Variants in MARCHF8 observed in about 807,000 individuals in gnomAD.
MARCHF8 encodes the protein E3 ubiquitin-protein ligase MARCHF8.
A neutral mutation model predicts 51.6 loss-of-function variants in MARCHF8; 40 were observed. The ratio of observed to expected loss-of-function variants is 0.77; its 90% CI spans 0.60 to 1.01. The LOEUF (loss-of-function observed/expected upper bound fraction) is 1.01. Ranked by LOEUF, MARCHF8 falls within the 50% of genes least tolerant of loss-of-function variation. The pLI is 0.00. For missense variants in MARCHF8, 685 were observed against 708.6 expected (o/e 0.97, Z 0.38); for synonymous variants, 263 against 280.3 (o/e 0.94, Z 0.62).
chr10:45,458,560 C>A lies in MARCHF8; in HGVS notation c.1418-17G>T. On this transcript the variant is annotated splice_polypyrimidine_tract_variant and intron_variant, in intron 7 of 7. Coordinates refer to ENST00000453424, the MANE Select transcript of MARCHF8 (RefSeq NM_001282866.2). ...CTAGGATTCCTGGAAGGGAAAAACT[C>A]AGCCTATTAGATTTTATTTAAGATA... is the stretch of plus-strand genomic sequence containing the variant. The A allele has an allele frequency of 1.3e-6, 2 of 1,562,408 alleles. No homozygotes were observed. Among genetic ancestry groups the A allele is most frequent in the Non-Finnish European group, 1.7e-6 (2 of 1,158,566 alleles).
rs1842878811 is a variant in MARCHF8 at position 45,463,829 on chromosome 10, G to A, written c.410C>T (p.Ala137Val). ...SKRNSFGSEW[A>V]QALKPAKNTK... ...ATTCTTAGCAGGCTTCAAGGCCTGG[G>A]CCCATTCTGAACCAAAGGAATTTCT... The change falls in exon 5 of 8, where the codon GCC (alanine) becomes GTC (valine). Residue 137 changes from alanine to valine, a missense_variant. Physicochemically the swap from Ala to Val is moderately conservative, Grantham distance 64. Transcript: ENST00000453424. 1.3e-6 allele frequency: 2 copies of A among 1,546,074 alleles called. No homozygotes were observed. The highest frequency in any genetic ancestry group is 1.7e-6 in the Non-Finnish European group (2 of 1,147,052).
At chr10:45,521,993 A>C (rs1249785750) in intron 2 of MARCHF8, among the ~76,000 whole-genome samples, 1 of 152,134 alleles carries the variant, frequency 6.6e-6, no homozygotes, top group Non-Finnish European at 1.5e-5. Context: ...CACACCTTAC[A>C]GGTATTTATG....
At chr10:45,545,940 T>C (rs1471734904) in intron 1 of MARCHF8, among the ~76,000 whole-genome samples, 5 of 152,136 alleles carry the variant, frequency 3.3e-5, no homozygotes, top group Non-Finnish European at 7.3e-5. Flanking sequence ...CTCCTGCCTT[T>C]TACTGAAACG....
intron 2 of MARCHF8, among the ~76,000 whole-genome samples, chr10:45,528,737 C>T (rs1242118748): frequency 6.6e-6 from 1 of 152,072 alleles, no homozygotes; most frequent in East Asian, 1.9e-4. Context: ...ATCCCATTTA[C>T]AATAGCTACA....
upstream of MARCHF8, among the ~76,000 whole-genome samples, chr10:45,536,592 A>AT (rs1180299892): frequency 7.3e-6 from 1 of 137,152 alleles, no homozygotes; most frequent in Non-Finnish European, 1.5e-5. Context: ...TATAAATGTT[A>AT]AAAAAAAAAA....
intron 1 of MARCHF8, among the ~76,000 whole-genome samples, chr10:45,580,083 G>C (rs1311876741): frequency 6.7e-6 from 1 of 150,012 alleles, no homozygotes; most frequent in Non-Finnish European, 1.5e-5. Flanking sequence ...TCTAAACTGT[G>C]GACTAAAATT....
chr10:45,467,104 T>C (rs1291312771), intron 3 of MARCHF8, among the ~76,000 whole-genome samples: 1 of 152,160 alleles, frequency 6.6e-6, no homozygotes, highest in Non-Finnish European at 1.5e-5. Context: ...CAGTTTTACT[T>C]AGGAAATAGG....
Position 45,464,031 on chromosome 10 carries a change from G to A in MARCHF8, c.243-35C>T, listed in dbSNP as rs537052818. The A allele has an allele frequency of 4.6e-6, 7 of 1,508,882 alleles. No homozygotes were observed. In the African/African-American group the frequency reaches 9.8e-5, roughly 21 times the overall value. 93.5% of individuals were successfully genotyped at this position (1,508,882 alleles called of 1,614,324 possible). ...GAACAGTGGGATAAAAGCACAGAAA[G>A]TAAAAACAATTTTAAAAGAGAATAG... is the stretch of plus-strand genomic sequence containing the variant. On this transcript the variant is annotated intron_variant, in intron 4 of 7. Coordinates refer to ENST00000453424, the MANE Select transcript of MARCHF8 (RefSeq NM_001282866.2).
At chr10:45,565,580 A>T (rs868620645) in intron 1 of MARCHF8, among the ~76,000 whole-genome samples, 36 of 148,016 alleles carry the variant, frequency 2.4e-4, no homozygotes, top group African/African-American at 8.7e-4. Flanking sequence ...CAAAAAAATA[A>T]AAAAAAAAAG....
chr10:45,592,127 T>A (rs944721031), intron 1 of MARCHF8, among the ~76,000 whole-genome samples: 1 of 148,896 alleles, frequency 6.7e-6, no homozygotes, highest in Non-Finnish European at 1.5e-5. Context: ...GACTATTGAT[T>A]TAAAAAATGA....
intron 1 of MARCHF8, among the ~76,000 whole-genome samples, chr10:45,572,940 A>C: frequency 6.7e-6 from 1 of 150,220 alleles, no homozygotes; most frequent in African/African-American, 2.5e-5. Context: ...CCCCCTCCTC[A>C]CACCTGGTCC....
At chr10:45,564,979 A>C (rs1011800427) in intron 1 of MARCHF8, among the ~76,000 whole-genome samples, 3 of 134,562 alleles carry the variant, frequency 2.2e-5, no homozygotes, top group Admixed American at 8.3e-5. Flanking sequence ...AAAAACTAGG[A>C]TCCACTAAAA....
rs560726724 is a variant in MARCHF8, at chr10:45,490,450, G to C, written c.103-1033C>G. 2.6e-4 allele frequency among the ~76,000 whole-genome samples: 39 copies of C among 152,250 alleles called. 1 individual carries two copies. The South Asian group carries it at 8.1e-3, about 32-fold the overall frequency. ...AGACAATGTGAACACAGAGGGAGAAGATGGCCATCTACAAGCCAAGGAGAA... is the reference window on the plus strand; with the variant it reads ...AGACAATGTGAACACAGAGGGAGAACATGGCCATCTACAAGCCAAGGAGAA... On this transcript the variant is annotated intron_variant, in intron 2 of 7. Coordinates refer to ENST00000453424, the MANE Select transcript of MARCHF8 (RefSeq NM_001282866.2).
intron 3 of MARCHF8, among the ~76,000 whole-genome samples, chr10:45,483,515 C>CA (rs2042926877): frequency 6.6e-6 from 1 of 152,074 alleles, no homozygotes; most frequent in East Asian, 1.9e-4. Flanking sequence ...GGGAATTCCT[C>CA]AAAAAACTAA....
intron 2 of MARCHF8, among the ~76,000 whole-genome samples, chr10:45,526,252 C>A (rs1320933798): frequency 6.6e-6 from 1 of 152,118 alleles, no homozygotes; most frequent in Non-Finnish European, 1.5e-5. Flanking sequence ...CAACAGGAAT[C>A]ACTGATCACA....
At chr10:45,515,173 G>A (rs2043597905) in intron 2 of MARCHF8, among the ~76,000 whole-genome samples, 1 of 152,202 alleles carries the variant, frequency 6.6e-6, no homozygotes, top group Non-Finnish European at 1.5e-5. Context: ...ATCTAAAGAA[G>A]TCAATTTTCT....
chr10:45,506,540 T>G lies in MARCHF8; in HGVS notation c.103-17123A>C, dbSNP rs552250684. On this transcript the variant is annotated intron_variant, in intron 2 of 7. Transcript: ENST00000453424. ...GCTTGAAGACAAATTTCCAAGATCT[T>G]TAGGAAACTTAAAAACTCGAACTGG... is the stretch of plus-strand genomic sequence containing the variant. Among the ~76,000 whole-genome samples the G allele has an allele frequency of 2.5e-3, 386 of 152,292 alleles. 1 individual carries two copies. Among genetic ancestry groups the G allele is most frequent in the African/African-American group, 8.8e-3 (367 of 41,566 alleles).
At chr10:45,542,864 A>C (rs2044072007) in intron 1 of MARCHF8, among the ~76,000 whole-genome samples, 1 of 152,214 alleles carries the variant, frequency 6.6e-6, no homozygotes, top group Non-Finnish European at 1.5e-5. Flanking sequence ...ATCATTATTT[A>C]AGATAATAAA....
At chr10:45,460,993 G>T in intron 6 of MARCHF8, 1 of 375,658 alleles carries the variant, frequency 2.7e-6, no homozygotes, top group Non-Finnish European at 4.8e-6. Flanking sequence ...CGACAAGCAA[G>T]CAGTCTTACT....
Sources: allele counts gnomAD v4.1 joint callset (sites outside exome capture counted in the v4.1 genomes callset), GRCh38; gene constraint gnomAD v4.1.1; transcripts MANE v1.5; gene names NCBI Gene and HGNC (gene_info 2026-07-23, HGNC 2026-07-21).